Variants in OLFM3 observed in about 807,000 individuals in gnomAD.
The protein encoded by OLFM3 is noelin-3.
A neutral mutation model predicts 48.6 loss-of-function variants in OLFM3; 20 were observed. The ratio of observed to expected loss-of-function variants is 0.41; its 90% CI spans 0.29 to 0.60. The LOEUF is 0.60. OLFM3 is among the 20% of genes least tolerant of loss of function. OLFM3 has a pLI of 0.28. For missense variants in OLFM3, 437 were observed against 544.3 expected, an observed-to-expected ratio of 0.80 and a Z score of 1.96; for synonymous variants, 222 against 198.1, an observed-to-expected ratio of 1.12 and a Z score of -1.01.
chr1:101,890,896 T>A (rs771497240), intron 1 of OLFM3, among the ~76,000 whole-genome samples: 9 of 152,076 alleles, frequency 5.9e-5, no homozygotes, highest in Non-Finnish European at 1.0e-4. Flanking sequence ...ACAGAATGAA[T>A]TAACACTGTT....
At chr1:101,918,671 A>G (rs1228293920) in intron 1 of OLFM3, among the ~76,000 whole-genome samples, 1 of 151,710 alleles carries the variant, frequency 6.6e-6, no homozygotes, top group Non-Finnish European at 1.5e-5. Flanking sequence ...ACAGCTGCAA[A>G]GTTTTTTTGT....
chr1:101,879,863 A>T (rs896597499), intron 1 of OLFM3, among the ~76,000 whole-genome samples: 1 of 151,858 alleles, frequency 6.6e-6, no homozygotes, highest in Non-Finnish European at 1.5e-5. Flanking sequence ...CCTAAAATAA[A>T]GTTTCTCTTA....
At chr1:101,894,567 C>T (rs183144515) in intron 1 of OLFM3, among the ~76,000 whole-genome samples, 7 of 152,180 alleles carry the variant, frequency 4.6e-5, no homozygotes, top group Admixed American at 4.6e-4. Flanking sequence ...TTTACATAAA[C>T]TCAGAGGGAA....
At chr1:101,923,165 A>T (rs1248280793) in intron 1 of OLFM3, among the ~76,000 whole-genome samples, 1 of 152,218 alleles carries the variant, frequency 6.6e-6, no homozygotes, top group Admixed American at 6.5e-5. Context: ...TTTCATAGGC[A>T]TATCTCTGTA....
rs17125467 is a variant in OLFM3, at chr1:101,809,924, G to T, written c.593-3742C>A. Among the ~76,000 whole-genome samples, 868 of 151,994 alleles carry T rather than the reference G, an allele frequency of 5.7e-3. 10 individuals are homozygous for T. The highest frequency in any genetic ancestry group is 0.02 in the African/African-American group (810 of 41,492). Reference sequence around the variant, plus strand: ...TAATGTAAACACTCATGTCTAACTTGTAGAATCAGCCCATAAACTAATTAC... The same window carrying T: ...TAATGTAAACACTCATGTCTAACTTTTAGAATCAGCCCATAAACTAATTAC... On this transcript the variant is annotated intron_variant, in intron 4 of 5. Transcript: ENST00000370103.
At chr1:101,864,787 T>G (rs1346879070) in intron 1 of OLFM3, among the ~76,000 whole-genome samples, 3 of 152,188 alleles carry the variant, frequency 2.0e-5, no homozygotes. Context: ...ATCCTTTACC[T>G]CAAACACTTG....
chr1:101,967,337 A>AT (rs1660642942), intron 1 of OLFM3, among the ~76,000 whole-genome samples: 1 of 151,992 alleles, frequency 6.6e-6, no homozygotes, highest in Non-Finnish European at 1.5e-5. Flanking sequence ...CCCTGTGGCT[A>AT]TAAGTGATTT....
intron 1 of OLFM3, among the ~76,000 whole-genome samples, chr1:101,948,146 AT>A (rs1244225817): frequency 6.6e-6 from 1 of 152,214 alleles, no homozygotes; most frequent in Non-Finnish European, 1.5e-5. Context: ...TTGAAAAAAA[AT>A]ACAATTACTG....
chr1:101,963,954 T>C (rs72993244), intron 1 of OLFM3, among the ~76,000 whole-genome samples: 1,854 of 152,318 alleles, frequency 0.012, 37 homozygotes, highest in African/African-American at 0.042. Context: ...GGACTCTCCT[T>C]ATTCATGTTA....
At chr1:101,978,999 T>C (rs1661031636) in intron 1 of OLFM3, among the ~76,000 whole-genome samples, 1 of 152,214 alleles carries the variant, frequency 6.6e-6, no homozygotes, top group Non-Finnish European at 1.5e-5. Context: ...CAAGTTTATT[T>C]CCATTAACGT....
At chr1:101,953,599 C>A (rs1660207463) in intron 1 of OLFM3, among the ~76,000 whole-genome samples, 1 of 152,106 alleles carries the variant, frequency 6.6e-6, no homozygotes, top group Non-Finnish European at 1.5e-5. Flanking sequence ...AGAAAACAGA[C>A]TTTTTGGTTT....
At chr1:101,972,559 G>A (rs1026947970) in intron 1 of OLFM3, among the ~76,000 whole-genome samples, 4 of 151,898 alleles carry the variant, frequency 2.6e-5, no homozygotes, top group Admixed American at 1.3e-4. Flanking sequence ...TTCAATTTTC[G>A]GATAAGAACA....
chr1:101,846,762 A>C lies in OLFM3; in HGVS notation c.70-9737T>G, dbSNP rs1437612274. ...GCTGACCTGTAAAGGCAGAAGCAAA[A>C]TCTTAGCCTTTGCAATTTACAAAAC... On this transcript the variant is annotated intron_variant, in intron 1 of 5. Coordinates refer to ENST00000370103, the MANE Select transcript of OLFM3 (RefSeq NM_058170.4). The C allele has an allele frequency of 3.0e-5, 30 of 1,016,466 alleles. No individual in the cohort carries two copies. In the East Asian group the frequency reaches 7.2e-4, roughly 24 times the overall value. The allele number at this position is 1,016,466 out of a possible 1,614,324, so 63.0% of individuals were successfully genotyped here. A position where few individuals can be genotyped will look rare whatever the true frequency, so the allele number is the denominator to read the frequency against.
At chr1:101,903,673 T>C (rs917002749) in intron 1 of OLFM3, among the ~76,000 whole-genome samples, 1 of 141,350 alleles carries the variant, frequency 7.1e-6, no homozygotes, top group Non-Finnish European at 1.6e-5. Context: ...CTAAAATCTA[T>C]GTTTCCTGCA....
intron 1 of OLFM3, among the ~76,000 whole-genome samples, chr1:101,913,450 T>A (rs1658822868): frequency 1.3e-5 from 2 of 152,170 alleles, no homozygotes; most frequent in Admixed American, 6.5e-5. Context: ...ATAAAAGACA[T>A]GAACTTCAAA....
chr1:101,861,526 C>A (rs1256645791), intron 1 of OLFM3, among the ~76,000 whole-genome samples: 2 of 152,164 alleles, frequency 1.3e-5, no homozygotes, highest in Non-Finnish European at 2.9e-5. Flanking sequence ...AAGGGGAAAG[C>A]CTGAATAGTT....
At position 101,935,327 on chromosome 1, in the gene OLFM3, A is replaced by T. The variant is rs140167066; in HGVS notation, c.69+61421T>A. Among the ~76,000 whole-genome samples the T allele has an allele frequency of 1.4e-3, 207 of 150,770 alleles. 3 individuals are homozygous for T. The East Asian group carries it at 0.033, about 24-fold the overall frequency. On this transcript the variant is annotated intron_variant, in intron 1 of 5. Coordinates refer to ENST00000370103, the MANE Select transcript of OLFM3 (RefSeq NM_058170.4). ...ACCTAGAGAAATAAAAAAAAAAATCATCAGAGACTACTGTGAACACCTCTA... is the reference window on the plus strand; with the variant it reads ...ACCTAGAGAAATAAAAAAAAAAATCTTCAGAGACTACTGTGAACACCTCTA...
intron 2 of OLFM3, among the ~76,000 whole-genome samples, chr1:101,836,022 G>T (rs1305010403): frequency 6.6e-6 from 1 of 152,136 alleles, no homozygotes; most frequent in Non-Finnish European, 1.5e-5. Flanking sequence ...TCTATTCAAT[G>T]CCATAAATGT....
intron 1 of OLFM3, among the ~76,000 whole-genome samples, chr1:101,952,066 C>T (rs1483695545): frequency 6.6e-6 from 1 of 152,068 alleles, no homozygotes; most frequent in African/African-American, 2.4e-5. Flanking sequence ...AACTTTCTCA[C>T]TGGTACTTTT....
Sources: gnomAD v4.1 joint callset for allele counts (sites outside exome capture counted in the v4.1 genomes callset) on GRCh38, gnomAD v4.1.1 for gene constraint, MANE v1.5 for transcripts, NCBI Gene and HGNC (gene_info 2026-07-23, HGNC 2026-07-21) for gene names.